MPO: variants seen among roughly 807,000 people sequenced by gnomAD.
The protein encoded by MPO is myeloperoxidase.
MPO carries 57 observed loss-of-function variants against 69.4 expected under a neutral mutation model. That is an observed-to-expected ratio of 0.82 (90% CI 0.66 to 1.02). MPO has a LOEUF of 1.02. Ranked by LOEUF, MPO falls within the 50% of genes least tolerant of loss-of-function variation. The probability of loss-of-function intolerance (pLI) is 0.00; values close to 1 mark genes in which losing one functional copy is unlikely to be tolerated. For missense variants in MPO, 971 were observed against 1,014.1 expected, an observed-to-expected ratio of 0.96 and a Z score of 0.58; for synonymous variants, 426 against 417.1, an observed-to-expected ratio of 1.02 and a Z score of -0.26.
At chr17:58,279,492 G>A (rs771316671) in intron 4 of MPO, 31 bp downstream of exon 4, 1 of 1,613,058 alleles carries the variant, frequency 6.2e-7, no homozygotes, top group Non-Finnish European at 8.5e-7. Flanking sequence ...CTCTGAGCCC[G>A]GTTCCTGCAG....
intron 7 of MPO, among the ~76,000 whole-genome samples, chr17:58,276,614 C>G (rs1364369596): frequency 2.0e-5 from 3 of 152,194 alleles, no homozygotes; most frequent in Non-Finnish European, 4.4e-5. Context: ...CAAAGCCAGG[C>G]TGTGGGCAGC....
chr17:58,279,973 TC>T lies in MPO; in HGVS notation c.289del (p.Glu97AsnfsTer17). 6.2e-7 allele frequency: 1 copy of T among 1,613,312 alleles called. No homozygotes were observed. Among genetic ancestry groups the T allele is most frequent in the Non-Finnish European group, 8.5e-7 (1 of 1,179,934 alleles). ...RLRSGSASPM[E>X]LLSYFKQPVA... Reference sequence around the variant, plus strand: ...CGGCTGCTTGAAGTAGGATAGGAGTTCCATGGGGCTGGCTGAGCCGCTGCGA... The same window carrying T: ...CGGCTGCTTGAAGTAGGATAGGAGTTCATGGGGCTGGCTGAGCCGCTGCGA... On this transcript the variant is annotated frameshift_variant, in exon 3 of 12. Coordinates refer to ENST00000225275, the MANE Select transcript of MPO (RefSeq NM_000250.2). LOFTEE classifies it high-confidence loss of function.
At position 58,270,598 on chromosome 17, in the gene MPO, T is replaced by A; in HGVS notation, c.*58A>T. The A allele has an allele frequency of 7.1e-7, 1 of 1,412,914 alleles. No homozygotes were observed. The highest frequency in any genetic ancestry group is 1.2e-5 in the South Asian group (1 of 81,364). 87.5% of individuals were successfully genotyped at this position (1,412,914 alleles called of 1,614,324 possible). A position where few individuals can be genotyped will look rare whatever the true frequency, so the allele number is the denominator to read the frequency against. On this transcript the variant is annotated 3_prime_UTR_variant, in exon 12 of 12. Transcript: ENST00000225275. The surrounding 1 kb of genome is among the most constrained non-coding windows in gnomAD (Gnocchi z 4.1). ...CTCATCTAGGGCAAGGAGATCTCCG[T>A]GGTTCCAACTGGCCAGCCCAGATAT...
chr17:58,275,737 C>A lies in MPO; in HGVS notation c.1205-35G>T, dbSNP rs749915985. 4.8e-5 allele frequency: 78 copies of A among 1,613,122 alleles called. No individual in the cohort carries two copies. In the Admixed American group the frequency reaches 1.3e-3, roughly 26 times the overall value. On this transcript the variant is annotated intron_variant, in intron 7 of 11. Transcript: ENST00000225275. The surrounding 1 kb of genome is among the most constrained non-coding windows in gnomAD (Gnocchi z 4.1). ...GCAAAAGCCACTGTCATTCTTAAGGCCTCCATCCCAGAAAAGATTTGCTCC... is the reference window on the plus strand; with the variant it reads ...GCAAAAGCCACTGTCATTCTTAAGGACTCCATCCCAGAAAAGATTTGCTCC...
rs1317164613 is a variant in MPO, at chr17:58,278,045, T to C, written c.986A>G (p.Gln329Arg). The C allele has an allele frequency of 6.2e-7, 1 of 1,613,368 alleles. No individual in the cohort carries two copies. The highest frequency in any genetic ancestry group is 1.7e-5 in the Admixed American group (1 of 60,026). The change falls in exon 7 of 12, where the codon CAG becomes CGG. Residue 329 changes from glutamine to arginine, a missense_variant. Gln to Arg is a conservative substitution (Grantham distance 43). Transcript: ENST00000225275. ...CACGAAGGAAGTGAGCGCGTTGATC[T>C]GGTTGCGGATGGTGATGTTGCTCCC... ...CPGSNITIRN[Q>R]INALTSFVDA...
In MPO at chr17:58,278,007, C is replaced by T. The variant is rs748536388; in HGVS notation, c.1024G>A (p.Val342Met). 6.2e-7 allele frequency: 1 copy of T among 1,613,946 alleles called. No homozygotes were observed. The highest frequency in any genetic ancestry group is 8.5e-7 in the Non-Finnish European group (1 of 1,180,048). ...ALTSFVDASM[V>M]YGSEEPLARN... is the part of the protein sequence containing the mutation. ...GCCAGGGGCTCCTCGCTGCCGTACA[C>T]CATGCTGGCGTCCACGAAGGAAGTG... The change falls in exon 7 of 12, where the codon GTG (valine) becomes ATG (methionine). Residue 342 changes from valine (V) to methionine (M), a missense_variant. Val to Met is a conservative substitution (Grantham distance 21). Coordinates refer to ENST00000225275, the MANE Select transcript of MPO (RefSeq NM_000250.2).
intron 8 of MPO, among the ~76,000 whole-genome samples, chr17:58,274,791 G>A (rs1970415242): frequency 1.3e-5 from 2 of 151,992 alleles, no homozygotes; most frequent in African/African-American, 4.8e-5. Flanking sequence ...CTGCACTCCA[G>A]CCTGGGCAAC....
intron 3 of MPO, 46 bp downstream of exon 3, chr17:58,279,793 G>A (rs201342554): frequency 1.2e-6 from 2 of 1,613,404 alleles, no homozygotes; most frequent in Non-Finnish European, 1.7e-6. Flanking sequence ...TCCCTAGGAG[G>A]AGTCACTAGT....
chr17:58,271,287 C>T (rs112604502), intron 11 of MPO, among the ~76,000 whole-genome samples: 20 of 152,220 alleles, frequency 1.3e-4, no homozygotes, highest in African/African-American at 4.6e-4. Context: ...AAGAACTAGA[C>T]ATGAAGACAT....
intron 8 of MPO, among the ~76,000 whole-genome samples, chr17:58,274,992 G>A (rs889258898): frequency 1.3e-5 from 2 of 151,612 alleles, no homozygotes; most frequent in African/African-American, 4.8e-5. Flanking sequence ...AGCCTCCCAA[G>A]TAGCTGGGAC....
At chr17:58,272,671 G>A (rs1268711738) in intron 10 of MPO, 77 bp downstream of exon 10, 1 of 1,529,480 alleles carries the variant, frequency 6.5e-7, no homozygotes, top group East Asian at 2.3e-5. Flanking sequence ...ACCCTAGAGT[G>A]GGAAGGGGGG....
At chr17:58,273,162 C>A (rs1970388361) in intron 9 of MPO, among the ~76,000 whole-genome samples, 1 of 152,168 alleles carries the variant, frequency 6.6e-6, no homozygotes, top group African/African-American at 2.4e-5. Flanking sequence ...TGCTCCCAGG[C>A]CCTGGCTTCC....
Position 58,280,859 on chromosome 17 carries a change from C to T in MPO, c.-101G>A, listed in dbSNP as rs550576166. The T allele has an allele frequency of 2.1e-6, 3 of 1,416,900 alleles. No homozygotes were observed. Among genetic ancestry groups the T allele is most frequent in the Middle Eastern group, 1.8e-4 (1 of 5,568 alleles). The allele number at this position is 1,416,900 out of a possible 1,614,324, so 87.8% of individuals were successfully genotyped here. On this transcript the variant is annotated 5_prime_UTR_variant, in exon 1 of 12. In the 5' UTR this introduces an upstream ATG that the reference lacks. Transcript: ENST00000225275. Reference sequence around the variant, plus strand: ...CAGACCTCCTTGAGGGAGGGGCTCACTGCTCTCTTATCCCCTTGCCAGCTG... The same window carrying T: ...CAGACCTCCTTGAGGGAGGGGCTCATTGCTCTCTTATCCCCTTGCCAGCTG...
Position 58,275,115 on chromosome 17 carries a change from C to T in MPO, c.1365+427G>A, listed in dbSNP as rs1312744772. 6.6e-6 allele frequency among the ~76,000 whole-genome samples: 1 copy of T among 151,992 alleles called. No individual in the cohort carries two copies. Among genetic ancestry groups the T allele is most frequent in the African/African-American group, 2.4e-5 (1 of 41,390 alleles). On this transcript the variant is annotated intron_variant, in intron 8 of 11. Coordinates refer to ENST00000225275, the MANE Select transcript of MPO (RefSeq NM_000250.2). The surrounding 1 kb of genome is among the most constrained non-coding windows in gnomAD (Gnocchi z 4.1). ...CCTGACCTCGTGATCCACCCGCCTC[C>T]GCCTCCCAAAGTGCTGGGATTACAG...
chr17:58,271,740 C>T lies in MPO; in HGVS notation c.1945G>A (p.Glu649Lys), dbSNP rs779260653. 3.9e-5 allele frequency: 63 copies of T among 1,613,838 alleles called. No homozygotes were observed. Among genetic ancestry groups the T allele is most frequent in the African/African-American group, 5.3e-5 (4 of 74,950 alleles). Residue 649 changes from glutamate (E) to lysine (K), a missense_variant, in exon 11 of 12, where the codon GAG (glutamate) becomes AAG (lysine). By Grantham distance (56) the Glu-to-Lys change is moderately conservative. Coordinates refer to ENST00000225275, the MANE Select transcript of MPO (RefSeq NM_000250.2). ...NIDIWMGGVS[E>K]PLKRKGRVGP... is the part of the protein sequence containing the mutation. The stretch of plus-strand genomic sequence containing the variant: ...ACGCGGCCTTTGCGCTTCAGAGGCT[C>T]GGACACGCCGCCCATCCAGATGTCG...
At position 58,279,076 on chromosome 17, in the gene MPO, C is replaced by T. The variant is rs755468905; in HGVS notation, c.817G>A (p.Ala273Thr). 5 of 1,613,046 alleles carry T rather than the reference C, an allele frequency of 3.1e-6. No individual in the cohort carries two copies. Among genetic ancestry groups the T allele is most frequent in the Non-Finnish European group, 4.2e-6 (5 of 1,179,726 alleles). Residue 273 changes from alanine to threonine, a missense_variant, in exon 6 of 12, where the codon GCC becomes ACC. Coordinates refer to ENST00000225275, the MANE Select transcript of MPO (RefSeq NM_000250.2). ...LDFTPEPAAR[A>T]SFVTGVNCET... ...CAGTTGACGCCAGTGACGAAGGAGGCCCGGGCGGCCGGCTCAGGGGTGAAG... is the reference window on the plus strand; with the variant it reads ...CAGTTGACGCCAGTGACGAAGGAGGTCCGGGCGGCCGGCTCAGGGGTGAAG...
intron 6 of MPO, among the ~76,000 whole-genome samples, chr17:58,278,675 T>C (rs1273280224): frequency 2.0e-5 from 3 of 152,110 alleles, no homozygotes; most frequent in African/African-American, 7.2e-5. Flanking sequence ...TGGGGGGCAC[T>C]GAGAAGGTCT....
In MPO at chr17:58,275,406, T is replaced by C; in HGVS notation, c.1365+136A>G. 8 of 1,084,996 alleles carry C rather than the reference T, an allele frequency of 7.4e-6. No individual in the cohort carries two copies. The East Asian group carries it at 7.6e-5, about 10-fold the overall frequency. The allele number at this position is 1,084,996 out of a possible 1,614,324, so 67.2% of individuals were successfully genotyped here. The stretch of plus-strand genomic sequence containing the variant: ...ACTATCTGAAAGGTGTTTTCATATA[T>C]GTATTATAATCCTTACAGCCTCATG... On this transcript the variant is annotated intron_variant, in intron 8 of 11. Coordinates refer to ENST00000225275, the MANE Select transcript of MPO (RefSeq NM_000250.2). The surrounding 1 kb of genome is among the most constrained non-coding windows in gnomAD (Gnocchi z 4.1).
rs751576771 is a variant in MPO, at chr17:58,279,549, G to A, written c.522C>T (p.Arg174=). Residue 174 remains arginine, a synonymous_variant, in exon 4 of 12, where the codon CGC becomes CGT. Transcript: ENST00000225275. ...TGTTGTTGCACATCCCGGTGATGGTGCGGTATTTGTCCTGCTCCGGGCAAG... is the reference window on the plus strand; with the variant it reads ...TGTTGTTGCACATCCCGGTGATGGTACGGTATTTGTCCTGCTCCGGGCAAG... ...GVTCPEQDKY[R]TITGMCNNRR... is the part of the protein sequence containing the mutation. 8.1e-6 allele frequency: 13 copies of A among 1,614,140 alleles called. No individual in the cohort carries two copies. The Middle Eastern group carries it at 4.9e-4, about 61-fold the overall frequency.
Sources: gnomAD v4.1 joint callset for allele counts (sites outside exome capture counted in the v4.1 genomes callset) on GRCh38, gnomAD v4.1.1 for gene constraint, Gnocchi (gnomAD v3.1) non-coding constraint, MANE v1.5 for transcripts, NCBI Gene and HGNC (gene_info 2026-07-23, HGNC 2026-07-21) for gene names.